The following ZNF236 variants were observed in gnomAD, a reference collection of about 807,000 sequenced individuals.
ZNF236 encodes regulated by glucose.
In ZNF236, 50 loss-of-function variants were observed where a neutral mutation model predicts 191.2. The observed-to-expected ratio is 0.26, with a 90% confidence interval of 0.21 to 0.33. The LOEUF (loss-of-function observed/expected upper bound fraction) is 0.33. Ranked by LOEUF, ZNF236 falls within the 10% of genes least tolerant of loss-of-function variation. The pLI, the probability that ZNF236 is intolerant of heterozygous loss-of-function variation, is 1.00. For missense variants in ZNF236, 1,754 were observed against 2,374.5 expected, an observed-to-expected ratio of 0.74 and a Z score of 5.43; for synonymous variants, 907 against 928.8, an observed-to-expected ratio of 0.98 and a Z score of 0.43.
chr18:76,835,188 G>C lies in ZNF236; in HGVS notation c.55+12526G>C, dbSNP rs920644401. 2.6e-5 allele frequency among the ~76,000 whole-genome samples: 4 copies of C among 152,092 alleles called. No individual in the cohort carries two copies. The South Asian group carries it at 8.3e-4, about 32-fold the overall frequency. On this transcript the variant is annotated intron_variant, in intron 1 of 30. Transcript: ENST00000320610. ...TGATTTCTATTGTGAGTTCTCATAA[G>C]TTATTGCAAAAGATGTGGCTAAATT...
chr18:76,852,931 G>A (rs1454083153), intron 3 of ZNF236, among the ~76,000 whole-genome samples: 1 of 152,142 alleles, frequency 6.6e-6, no homozygotes, highest in Non-Finnish European at 1.5e-5. Context: ...TTAGGCAGAG[G>A]CAATGAACTG....
At chr18:76,836,986 G>A (rs1026822707) in intron 1 of ZNF236, among the ~76,000 whole-genome samples, 1 of 150,958 alleles carries the variant, frequency 6.6e-6, no homozygotes, top group Non-Finnish European at 1.5e-5. Context: ...AGCAATTCTC[G>A]TGCCTCAGCC....
intron 11 of ZNF236, among the ~76,000 whole-genome samples, chr18:76,900,534 T>TCAG (rs1392843841): frequency 5.9e-5 from 9 of 152,206 alleles, no homozygotes; most frequent in Admixed American, 5.2e-4. Flanking sequence ...GAAGTTGATT[T>TCAG]TGTATAGGAT....
intron 17 of ZNF236, among the ~76,000 whole-genome samples, chr18:76,912,668 T>C (rs578004583): frequency 2.0e-5 from 3 of 152,214 alleles, no homozygotes; most frequent in Non-Finnish European, 4.4e-5. Flanking sequence ...AAATTTATAT[T>C]ATGCCTTTTA....
intron 18 of ZNF236, among the ~76,000 whole-genome samples, chr18:76,914,364 T>C (rs961493091): frequency 1.3e-4 from 20 of 152,254 alleles, no homozygotes; most frequent in African/African-American, 4.8e-4. Context: ...TTGTTTATTA[T>C]GAGTAATCCT....
At chr18:76,841,269 C>T (rs1975492241) in intron 1 of ZNF236, among the ~76,000 whole-genome samples, 1 of 151,616 alleles carries the variant, frequency 6.6e-6, no homozygotes, top group African/African-American at 2.4e-5. Flanking sequence ...GACAAGGTTT[C>T]ACCATGTTGG....
chr18:76,883,929 C>T (rs1976971949), intron 9 of ZNF236, among the ~76,000 whole-genome samples: 1 of 152,154 alleles, frequency 6.6e-6, no homozygotes, highest in African/African-American at 2.4e-5. Flanking sequence ...CATTACGTTC[C>T]TAAGTTAAGC....
At chr18:76,891,023 T>C (rs1977214485) in intron 9 of ZNF236, among the ~76,000 whole-genome samples, 1 of 152,214 alleles carries the variant, frequency 6.6e-6, no homozygotes, top group Non-Finnish European at 1.5e-5. Flanking sequence ...TATTGTAAGA[T>C]TATAGTGTAT....
intron 1 of ZNF236, among the ~76,000 whole-genome samples, chr18:76,844,568 T>A (rs1206964112): frequency 1.3e-5 from 2 of 152,216 alleles, no homozygotes; most frequent in African/African-American, 2.4e-5. Flanking sequence ...TTTTAGAAAG[T>A]ACTCAGAAGC....
chr18:76,919,803 A>G lies in ZNF236; in HGVS notation c.3302A>G (p.His1101Arg), dbSNP rs200628874. The G allele has an allele frequency of 6.2e-7, 1 of 1,614,222 alleles. No homozygotes were observed. The highest frequency in any genetic ancestry group is 1.1e-5 in the South Asian group (1 of 91,088). The change falls in exon 20 of 31, where the codon CAT becomes CGT. Residue 1101 changes from histidine (H) to arginine (R), a missense_variant. Coordinates refer to ENST00000320610, the MANE Select transcript of ZNF236 (RefSeq NM_001306089.2). The surrounding 1 kb of genome is among the most constrained non-coding windows in gnomAD (Gnocchi z 5.3). ...GDICMEEEEEHSDRNASRKSR... is the reference protein window; with the variant it reads ...GDICMEEEEERSDRNASRKSR... Reference sequence around the variant, plus strand: ...ATTTGTATGGAGGAAGAGGAAGAACATTCTGACAGAAATGCATCACGGAAG... The same window carrying G: ...ATTTGTATGGAGGAAGAGGAAGAACGTTCTGACAGAAATGCATCACGGAAG...
At chr18:76,883,515 C>T (rs1976960023) in intron 9 of ZNF236, among the ~76,000 whole-genome samples, 1 of 152,010 alleles carries the variant, frequency 6.6e-6, no homozygotes, top group South Asian at 2.1e-4. Flanking sequence ...CCTTGAACTC[C>T]TGGGCTCAAG....
chr18:76,831,204 G>A (rs754609882), intron 1 of ZNF236, among the ~76,000 whole-genome samples: 1 of 152,034 alleles, frequency 6.6e-6, no homozygotes, highest in Non-Finnish European at 1.5e-5. Flanking sequence ...CCTTTCCTCC[G>A]CCTGTTCATC....
At chr18:76,835,124 T>A (rs1410770446) in intron 1 of ZNF236, among the ~76,000 whole-genome samples, 1 of 152,152 alleles carries the variant, frequency 6.6e-6, no homozygotes, top group Non-Finnish European at 1.5e-5. Context: ...AATTTTGATG[T>A]GGTTTATTCT....
Position 76,915,635 on chromosome 18 carries a change from C to G in ZNF236, c.3062-12C>G. The stretch of plus-strand genomic sequence containing the variant: ...TTGGTTCCAGCCGTTTTTTCTGTTT[C>G]TGTGCTTGCAGGAGTGAAGGCGTTC... On this transcript the variant is annotated splice_polypyrimidine_tract_variant and intron_variant, in intron 18 of 30. Coordinates refer to ENST00000320610, the MANE Select transcript of ZNF236 (RefSeq NM_001306089.2). The G allele has an allele frequency of 2.5e-6, 4 of 1,609,222 alleles. No homozygotes were observed.
chr18:76,962,131 C>T (rs78670867), intron 30 of ZNF236, among the ~76,000 whole-genome samples: 4,614 of 151,882 alleles, frequency 0.03, 225 homozygotes, highest in African/African-American at 0.1. Context: ...TCTTGGTCCT[C>T]GCCGAAGCCA....
chr18:76,892,083 C>T (rs1005447117), intron 9 of ZNF236, among the ~76,000 whole-genome samples: 2 of 146,950 alleles, frequency 1.4e-5, no homozygotes, highest in African/African-American at 5.0e-5. Context: ...GTCTTTGTAA[C>T]TTACAGTCTT....
At chr18:76,951,349 G>A (rs1197565307) in intron 27 of ZNF236, among the ~76,000 whole-genome samples, 1 of 152,202 alleles carries the variant, frequency 6.6e-6, no homozygotes, top group South Asian at 2.1e-4. Flanking sequence ...GACCTTCATC[G>A]ATGCTCTTGG....
Position 76,837,576 on chromosome 18 carries a change from G to A in ZNF236, c.56-11950G>A, listed in dbSNP as rs372061286. Reference sequence around the variant, plus strand: ...CTGCCTCAGATTTCTGAGTAGCTGGGATTAAAAGCGTGTGCCACCACGCCT... The same window carrying A: ...CTGCCTCAGATTTCTGAGTAGCTGGAATTAAAAGCGTGTGCCACCACGCCT... On this transcript the variant is annotated intron_variant, in intron 1 of 30. Transcript: ENST00000320610. 2.0e-5 allele frequency among the ~76,000 whole-genome samples: 3 copies of A among 151,604 alleles called. No homozygotes were observed. In the East Asian group the frequency reaches 5.9e-4, roughly 30 times the overall value.
chr18:76,832,851 C>G (rs1298065003), intron 1 of ZNF236, among the ~76,000 whole-genome samples: 1 of 152,044 alleles, frequency 6.6e-6, no homozygotes, highest in Non-Finnish European at 1.5e-5. Flanking sequence ...GTCTTTGAAT[C>G]TAAACATGAT....
Sources: allele counts gnomAD v4.1 joint callset (sites outside exome capture counted in the v4.1 genomes callset), GRCh38; gene constraint gnomAD v4.1.1; non-coding constraint Gnocchi (gnomAD v3.1); transcripts MANE v1.5; gene names NCBI Gene and HGNC (gene_info 2026-07-23, HGNC 2026-07-21).